Variants in PPM1H observed in about 807,000 individuals in gnomAD.
PPM1H encodes the protein protein phosphatase 1H.
A neutral mutation model predicts 54.9 loss-of-function variants in PPM1H; 27 were observed. That is an observed-to-expected ratio of 0.49 (90% CI 0.36 to 0.68). The LOEUF is 0.68. Ranked by LOEUF, PPM1H falls within the 30% of genes least tolerant of loss-of-function variation. The pLI is 0.00. For synonymous variants in PPM1H, 305 were observed against 270.8 expected, an observed-to-expected ratio of 1.13 and a Z score of -1.24; for missense variants, 596 against 667.8, an observed-to-expected ratio of 0.89 and a Z score of 1.19.
At chr12:62,760,021 C>T (rs918691579) in intron 4 of PPM1H, among the ~76,000 whole-genome samples, 1 of 152,170 alleles carries the variant, frequency 6.6e-6, no homozygotes, top group Non-Finnish European at 1.5e-5. Flanking sequence ...CTTCCTTCTT[C>T]TCCCTTAGCC....
At chr12:62,930,491 AT>A (rs1872098518) in intron 1 of PPM1H, among the ~76,000 whole-genome samples, 2 of 152,234 alleles carry the variant, frequency 1.3e-5, no homozygotes, top group Admixed American at 1.3e-4. Context: ...ACCACAACAC[AT>A]TCTTTGGCAT....
intron 1 of PPM1H, among the ~76,000 whole-genome samples, chr12:62,905,736 T>G (rs1443622772): frequency 6.6e-6 from 1 of 152,138 alleles, no homozygotes; most frequent in Non-Finnish European, 1.5e-5. Flanking sequence ...TCGAAGTGTG[T>G]CAAGATGATG....
chr12:62,690,043 T>G (rs1195464270), intron 7 of PPM1H, among the ~76,000 whole-genome samples: 1 of 152,360 alleles, frequency 6.6e-6, no homozygotes, highest in East Asian at 1.9e-4. Flanking sequence ...CTTGACAGGT[T>G]GCTGCTGTTT....
chr12:62,802,499 C>T (rs558107936), intron 2 of PPM1H, among the ~76,000 whole-genome samples: 4 of 151,922 alleles, frequency 2.6e-5, no homozygotes, highest in Admixed American at 2.0e-4. Flanking sequence ...TAGGTGTTTG[C>T]ATAAAACTCT....
rs200553056 is a variant in PPM1H at position 62,802,007 on chromosome 12, G to T, written c.565C>A (p.Pro189Thr). ...DILKNSAVLP[P>T]TCLGEEPENT... Reference sequence around the variant, plus strand: ...TCAGGCTCCTCCCCCAGGCAGGTAGGGGGCAGGACGGCGGAGTTCTTCAGG... The same window carrying T: ...TCAGGCTCCTCCCCCAGGCAGGTAGTGGGCAGGACGGCGGAGTTCTTCAGG... Residue 189 changes from proline (P) to threonine (T), a missense_variant, in exon 3 of 10, where the codon CCT becomes ACT. This residue lies in a region of PPM1H where 382 missense variants were observed against 387.1 expected (regional missense o/e 0.99). Coordinates refer to ENST00000228705, the MANE Select transcript of PPM1H (RefSeq NM_020700.2). 154 of 1,613,488 alleles carry T rather than the reference G, an allele frequency of 9.5e-5. No individual in the cohort carries two copies. In the African/African-American group the frequency reaches 1.9e-3, roughly 20 times the overall value.
intron 6 of PPM1H, among the ~76,000 whole-genome samples, chr12:62,718,206 G>C (rs1280953929): frequency 6.6e-6 from 1 of 152,230 alleles, no homozygotes; most frequent in East Asian, 1.9e-4. Flanking sequence ...TTGTTAAAGA[G>C]ACATATTTAA....
intron 5 of PPM1H, among the ~76,000 whole-genome samples, chr12:62,736,806 C>T (rs1221929606): frequency 3.3e-5 from 5 of 152,126 alleles, no homozygotes; most frequent in South Asian, 2.1e-4. Context: ...GAGGTATCTG[C>T]CCCAAGGCCA....
chr12:62,867,564 A>ATTTT (rs34772338), intron 1 of PPM1H, among the ~76,000 whole-genome samples: 800 of 55,426 alleles, frequency 0.014, 145 homozygotes, highest in Middle Eastern at 0.031. Flanking sequence ...TATGAGCACT[A>ATTTT]TTTTTTTTTT....
At position 62,844,461 on chromosome 12, in the gene PPM1H, G is replaced by A. The variant is rs905321906; in HGVS notation, c.246-12182C>T. Among the ~76,000 whole-genome samples, 5 of 152,150 alleles carry A rather than the reference G, an allele frequency of 3.3e-5. No homozygotes were observed. Among genetic ancestry groups the A allele is most frequent in the African/African-American group, 1.2e-4 (5 of 41,412 alleles). ...TAGCAACTGCATGCTACATGATTCAGGCTACGTAGCCACATTCCCCTCAAG... is the reference window on the plus strand; with the variant it reads ...TAGCAACTGCATGCTACATGATTCAAGCTACGTAGCCACATTCCCCTCAAG... On this transcript the variant is annotated intron_variant, in intron 1 of 9. Coordinates refer to ENST00000228705, the MANE Select transcript of PPM1H (RefSeq NM_020700.2). This position sits in a 1 kb window ranked among gnomAD's most constrained non-coding sequence, Gnocchi z 5.2.
intron 1 of PPM1H, among the ~76,000 whole-genome samples, chr12:62,933,321 G>C (rs1872208317): frequency 1.3e-5 from 2 of 152,110 alleles, no homozygotes; most frequent in South Asian, 2.1e-4. Context: ...CTCTCCCACC[G>C]GAACCCTTAG....
chr12:62,800,781 G>A (rs1452791793), intron 3 of PPM1H, among the ~76,000 whole-genome samples: 1 of 152,220 alleles, frequency 6.6e-6, no homozygotes, highest in Non-Finnish European at 1.5e-5. Flanking sequence ...ATTGGCTTAG[G>A]ATAAAGTAAG....
chr12:62,728,081 T>C (rs1461010064), intron 5 of PPM1H, among the ~76,000 whole-genome samples: 4 of 152,292 alleles, frequency 2.6e-5, no homozygotes, highest in Middle Eastern at 6.8e-3. Flanking sequence ...AACAGAATGC[T>C]ACTAAATGAG....
chr12:62,693,713 T>C (rs897104656), intron 7 of PPM1H, among the ~76,000 whole-genome samples: 17 of 152,204 alleles, frequency 1.1e-4, no homozygotes, highest in African/African-American at 3.6e-4. Flanking sequence ...TTTCACAAAA[T>C]TGGCTTGAGT....
At chr12:62,769,677 G>A (rs2076566495) in intron 4 of PPM1H, among the ~76,000 whole-genome samples, 1 of 152,094 alleles carries the variant, frequency 6.6e-6, no homozygotes, top group Non-Finnish European at 1.5e-5. Flanking sequence ...ACTGTTGATG[G>A]GTGTAAACCA....
In PPM1H at chr12:62,767,467, G is replaced by T. The variant is rs146526448; in HGVS notation, c.869+20759C>A. Among the ~76,000 whole-genome samples, 101 of 152,318 alleles carry T rather than the reference G, an allele frequency of 6.6e-4. 1 individual carries two copies. Among genetic ancestry groups the T allele is most frequent in the African/African-American group, 2.3e-3 (95 of 41,564 alleles). On this transcript the variant is annotated intron_variant, in intron 4 of 9. Coordinates refer to ENST00000228705, the MANE Select transcript of PPM1H (RefSeq NM_020700.2). ...TGATAAGGTAATATTAGCTGCTATA[G>T]CAGATAATCCTAAATATCTCAATGG...
chr12:62,837,357 G>A (rs749941278), intron 1 of PPM1H, among the ~76,000 whole-genome samples: 2 of 152,166 alleles, frequency 1.3e-5, no homozygotes, highest in Non-Finnish European at 2.9e-5. Flanking sequence ...AAAGGCCATT[G>A]GCCCCAGAAT....
At position 62,770,548 on chromosome 12, in the gene PPM1H, CT is replaced by C. The variant is rs5798658; in HGVS notation, c.869+17677del. ...AGGGTCTGGAAAGTATATAATACAG[CT>C]TTTTTTTTTAGATGATCTATTAACA... On this transcript the variant is annotated intron_variant, in intron 4 of 9. Coordinates refer to ENST00000228705, the MANE Select transcript of PPM1H (RefSeq NM_020700.2). 2.9e-3 allele frequency among the ~76,000 whole-genome samples: 434 copies of C among 149,798 alleles called. 1 individual carries two copies. The highest frequency in any genetic ancestry group is 4.5e-3 in the Non-Finnish European group (302 of 67,294).
At chr12:62,681,669 T>G (rs1244916453) in intron 8 of PPM1H, among the ~76,000 whole-genome samples, 1 of 152,204 alleles carries the variant, frequency 6.6e-6, no homozygotes, top group Non-Finnish European at 1.5e-5. Flanking sequence ...TACTTCTCCC[T>G]CCTATATCCA....
intron 1 of PPM1H, among the ~76,000 whole-genome samples, chr12:62,839,511 G>C (rs1235722677): frequency 6.6e-6 from 1 of 151,828 alleles, no homozygotes; most frequent in Non-Finnish European, 1.5e-5. Flanking sequence ...GACCTGAGGA[G>C]AGGCTGACTC....
Sources: gnomAD v4.1 joint callset for allele counts (sites outside exome capture counted in the v4.1 genomes callset) on GRCh38, gnomAD v4.1.1 for gene constraint, gnomAD v4.1.1 regional missense constraint, Gnocchi (gnomAD v3.1) non-coding constraint, MANE v1.5 for transcripts, NCBI Gene and HGNC (gene_info 2026-07-23, HGNC 2026-07-21) for gene names.